The following CCDC38 variants were observed in gnomAD, a reference collection of about 807,000 sequenced individuals.
CCDC38 encodes coiled-coil domain containing 38.
A neutral mutation model predicts 72.8 loss-of-function variants in CCDC38; 69 were observed. The ratio of observed to expected loss-of-function variants is 0.95; its 90% CI spans 0.78 to 1.16. The LOEUF (loss-of-function observed/expected upper bound fraction) is 1.16, where lower values mean the gene tolerates loss of function less well. Among genes scored for constraint, CCDC38 ranks in the 50% most tolerant of loss-of-function variants. The probability of loss-of-function intolerance (pLI) is 0.00; values close to 1 mark genes in which losing one functional copy is unlikely to be tolerated. For synonymous variants in CCDC38, 201 were observed against 213.2 expected (o/e 0.94, Z 0.50); for missense variants, 626 against 638.9 (o/e 0.98, Z 0.22).
At chr12:95,918,812 G>T in intron 3 of CCDC38, 64 bp downstream of exon 3, 1 of 1,119,896 alleles carries the variant, frequency 8.9e-7, no homozygotes, top group Non-Finnish European at 1.3e-6. Flanking sequence ...AAGTTCATAA[G>T]AGCAATAGGT....
chr12:95,878,774 CT>C (rs904082767), intron 12 of CCDC38, among the ~76,000 whole-genome samples: 1 of 152,158 alleles, frequency 6.6e-6, no homozygotes, highest in African/African-American at 2.4e-5. Context: ...CCTTTCCTGC[CT>C]ACCTGCACCC....
Position 95,877,241 on chromosome 12 carries a change from T to A in CCDC38, c.1278+970A>T, listed in dbSNP as rs913025477. On this transcript the variant is annotated intron_variant, in intron 13 of 15. Transcript: ENST00000344280. ...AGGAAGGTCTTCAGGACTCAGACCT[T>A]CGTTATAGATCAAAAGAAGTTAATC... 2.6e-5 allele frequency among the ~76,000 whole-genome samples: 4 copies of A among 152,136 alleles called. No individual in the cohort carries two copies. In the East Asian group the frequency reaches 7.7e-4, roughly 29 times the overall value.
intron 4 of CCDC38, among the ~76,000 whole-genome samples, chr12:95,913,711 T>C (rs2080117429): frequency 6.6e-6 from 1 of 152,220 alleles, no homozygotes; most frequent in Non-Finnish European, 1.5e-5. Context: ...TTCTTAATAA[T>C]TGTTACTGGC....
intron 15 of CCDC38, among the ~76,000 whole-genome samples, chr12:95,867,880 G>A (rs558692260): frequency 1.6e-4 from 24 of 152,128 alleles, no homozygotes; most frequent in Non-Finnish European, 2.8e-4. Context: ...GATTTGATGG[G>A]ACATTGCCAC....
chr12:95,875,353 T>A (rs577428850), intron 13 of CCDC38, among the ~76,000 whole-genome samples: 2 of 152,136 alleles, frequency 1.3e-5, no homozygotes, highest in African/African-American at 4.8e-5. Context: ...TTCTCAACAT[T>A]ACATTATACT....
rs1439892957 is a variant in CCDC38, at chr12:95,867,509, C to T, written c.1579-320G>A. Reference sequence around the variant, plus strand: ...CCTAGAAAAGCACCATGTTGAAGGCCACCATTTTATTTCTCAGTAAGTGCC... The same window carrying T: ...CCTAGAAAAGCACCATGTTGAAGGCTACCATTTTATTTCTCAGTAAGTGCC... On this transcript the variant is annotated intron_variant, in intron 15 of 15. Coordinates refer to ENST00000344280, the MANE Select transcript of CCDC38 (RefSeq NM_182496.3). 2.0e-5 allele frequency among the ~76,000 whole-genome samples: 3 copies of T among 152,150 alleles called. No homozygotes were observed. In the East Asian group the frequency reaches 5.8e-4, roughly 29 times the overall value.
chr12:95,896,990 G>A (rs2079896515), intron 7 of CCDC38, among the ~76,000 whole-genome samples: 1 of 152,210 alleles, frequency 6.6e-6, no homozygotes, highest in Non-Finnish European at 1.5e-5. Flanking sequence ...ATTGCATCGG[G>A]GGTGAAAGAG....
chr12:95,903,372 C>A (rs1424913749), intron 5 of CCDC38: 1 of 690,890 alleles, frequency 1.4e-6, no homozygotes. Flanking sequence ...ATCTAAATGT[C>A]TTTCATTTTT....
intron 10 of CCDC38, chr12:95,885,238 G>T: frequency 1.3e-5 from 2 of 153,194 alleles, no homozygotes; most frequent in South Asian, 3.7e-4. Context: ...TTCTGGACTC[G>T]ACCCAGTCCT....
intron 5 of CCDC38, among the ~76,000 whole-genome samples, chr12:95,899,901 GA>G (rs935205819): frequency 7.2e-5 from 11 of 152,110 alleles, no homozygotes; most frequent in African/African-American, 2.2e-4. Flanking sequence ...ATGAAAGCGG[GA>G]TGGGGTGCTG....
intron 4 of CCDC38, among the ~76,000 whole-genome samples, chr12:95,911,712 A>G (rs992529051): frequency 6.6e-6 from 1 of 152,226 alleles, no homozygotes; most frequent in East Asian, 1.9e-4. Context: ...AAGTCAAAAA[A>G]TAACAGATGA....
intron 4 of CCDC38, among the ~76,000 whole-genome samples, chr12:95,911,994 A>T (rs545079567): frequency 6.6e-6 from 1 of 152,376 alleles, no homozygotes; most frequent in East Asian, 1.9e-4. Context: ...GACTGGCTAA[A>T]GAAAATGTGG....
rs538479313 is a variant in CCDC38, at chr12:95,940,005, ACCTTCCTTACAGG to A, written c.-15+2413_-15+2425del. ...TCTTCTATCAAGTATGAATAATAACACCTTCCTTACAGGCCTGGTGCAATTTTCAAACACAGAT... is the reference window on the plus strand; with the variant it reads ...TCTTCTATCAAGTATGAATAATAACACCTGGTGCAATTTTCAAACACAGAT... On this transcript the variant is annotated intron_variant, in intron 1 of 15. Coordinates refer to ENST00000344280, the MANE Select transcript of CCDC38 (RefSeq NM_182496.3). 2.6e-3 allele frequency among the ~76,000 whole-genome samples: 403 copies of A among 152,280 alleles called. 1 individual carries two copies. Among genetic ancestry groups the A allele is most frequent in the African/African-American group, 9.2e-3 (384 of 41,552 alleles).
Position 95,906,442 on chromosome 12 carries a change from G to C in CCDC38, c.314C>G (p.Thr105Arg). ...AATAAATTCATGGACAGTCCTTTTT[G>C]TGTCGGAACCTGTGAAGAAAGTTGA... Reference protein sequence around the residue: ...PIPRLIEGSDTKRTVHEFIND... With the variant: ...PIPRLIEGSDRKRTVHEFIND... The change falls in exon 5 of 16, where the codon ACA becomes AGA. Residue 105 changes from threonine to arginine, a missense_variant. By Grantham distance (71) the Thr-to-Arg change is moderately conservative. Coordinates refer to ENST00000344280, the MANE Select transcript of CCDC38 (RefSeq NM_182496.3). The C allele has an allele frequency of 6.2e-7, 1 of 1,611,974 alleles. No homozygotes were observed. The highest frequency in any genetic ancestry group is 8.5e-7 in the Non-Finnish European group (1 of 1,178,544).
At chr12:95,920,019 CA>C (rs1251024805) in intron 2 of CCDC38, among the ~76,000 whole-genome samples, 2 of 152,002 alleles carry the variant, frequency 1.3e-5, no homozygotes, top group African/African-American at 2.4e-5. Flanking sequence ...TAGGGGCTCA[CA>C]AAAAACGTGT....
intron 1 of CCDC38, among the ~76,000 whole-genome samples, chr12:95,941,000 G>T (rs542440120): frequency 6.6e-6 from 1 of 152,284 alleles, no homozygotes; most frequent in East Asian, 1.9e-4. Context: ...CGGGATGTTG[G>T]TTATTACCAA....
intron 8 of CCDC38, among the ~76,000 whole-genome samples, chr12:95,893,501 T>C (rs948440506): frequency 2.0e-5 from 3 of 147,264 alleles, no homozygotes; most frequent in African/African-American, 7.5e-5. Context: ...TCTCTCTTTT[T>C]TGAGACAGGG....
chr12:95,878,013 C>G (rs1331985045), intron 13 of CCDC38, among the ~76,000 whole-genome samples, 198 bp downstream of exon 13: 2 of 152,164 alleles, frequency 1.3e-5, no homozygotes, highest in Admixed American at 6.5e-5. Flanking sequence ...AACCCCAATG[C>G]CAATTTGAAT....
intron 2 of CCDC38, among the ~76,000 whole-genome samples, chr12:95,920,561 T>A (rs747225631): frequency 2.6e-5 from 4 of 152,194 alleles, no homozygotes; most frequent in Admixed American, 6.5e-5. Flanking sequence ...ACAACATGGA[T>A]GAACATTGGA....
Sources: allele counts gnomAD v4.1 joint callset (sites outside exome capture counted in the v4.1 genomes callset), GRCh38; gene constraint gnomAD v4.1.1; transcripts MANE v1.5; gene names NCBI Gene and HGNC (gene_info 2026-07-23, HGNC 2026-07-21).